The following SLC61A1 variants were observed in gnomAD, a reference collection of about 807,000 sequenced individuals.
The protein encoded by SLC61A1 is solute carrier family 61 member 1, also known as major facilitator superfamily domain containing 5.
the SLC61A1 span, chr12:53,252,131 GCCCGGCT>G: frequency 4.2e-6 from 6 of 1,441,074 alleles, no homozygotes; most frequent in Non-Finnish European, 5.4e-6. Flanking sequence ...CCAGAGGCCT[GCCCGGCT>G]CCCGGAAGCA....
chr12:53,253,415 A>C, the SLC61A1 span: 1 of 1,614,096 alleles, frequency 6.2e-7, no homozygotes, highest in South Asian at 1.1e-5. Context: ...GGCTGTAGCC[A>C]GCTGGATAGG....
the SLC61A1 span, chr12:53,252,494 G>C: frequency 7.5e-7 from 1 of 1,326,182 alleles, no homozygotes; most frequent in African/African-American, 1.5e-5. Context: ...GTAATAGAAG[G>C]AAGTGTACGG....
the SLC61A1 span, chr12:53,252,131 G>A: frequency 1.4e-6 from 2 of 1,441,074 alleles, no homozygotes; most frequent in Non-Finnish European, 1.8e-6. Context: ...CCAGAGGCCT[G>A]CCCGGCTCCC....
At chr12:53,251,863 CG>C in the SLC61A1 span, 1 of 1,537,268 alleles carries the variant, frequency 6.5e-7, no homozygotes, top group East Asian at 2.4e-5. Context: ...GAGCACTGCA[CG>C]GAAGAAAAGA....
the SLC61A1 span, chr12:53,252,209 G>A: frequency 2.3e-5 from 33 of 1,415,696 alleles, no homozygotes; most frequent in Non-Finnish European, 2.6e-5. Flanking sequence ...CAGCGGGGAG[G>A]GTGGCCTGGC....
the SLC61A1 span, chr12:53,252,059 C>A: frequency 1.7e-5 from 3 of 177,884 alleles, no homozygotes; most frequent in African/African-American, 1.1e-4. Context: ...GGCGGGCGGG[C>A]GGGGCGGGGC....
At chr12:53,252,309 G>T in the SLC61A1 span, 1 of 1,384,330 alleles carries the variant, frequency 7.2e-7, no homozygotes, top group Non-Finnish European at 9.3e-7. Flanking sequence ...GATGTGGCAG[G>T]GCTGGGCAGG....
At chr12:53,253,185 T>A in the SLC61A1 span, 1 of 1,614,268 alleles carries the variant, frequency 6.2e-7, no homozygotes, top group Admixed American at 1.7e-5. Context: ...ACTTACTCAC[T>A]ATGCTGCTTA....
the SLC61A1 span, chr12:53,253,494 G>T: frequency 1.2e-6 from 2 of 1,614,130 alleles, no homozygotes; most frequent in Non-Finnish European, 1.7e-6. Flanking sequence ...TTGGCCCTTC[G>T]AAACTGGGGG....
the SLC61A1 span, chr12:53,253,040 C>T: frequency 5.0e-6 from 8 of 1,614,140 alleles, 1 homozygote; most frequent in South Asian, 7.7e-5. Flanking sequence ...ACTCTACCAG[C>T]ATTACTACTT....
chr12:53,253,681 C>T, the SLC61A1 span: 1 of 1,614,032 alleles, frequency 6.2e-7, no homozygotes, highest in Admixed American at 1.7e-5. Flanking sequence ...CCCCTCTGGG[C>T]ATTATCTTCT....
At chr12:53,251,747 A>G in the SLC61A1 span, 2 of 1,536,598 alleles carry the variant, frequency 1.3e-6, no homozygotes, top group African/African-American at 1.4e-5. Context: ...AGGTCACTGC[A>G]GTGGGAGAGG....
the SLC61A1 span, chr12:53,252,237 G>A: frequency 7.1e-7 from 1 of 1,409,520 alleles, no homozygotes; most frequent in Non-Finnish European, 9.2e-7. Flanking sequence ...AGCCGGACGT[G>A]TCCGGGGCGT....
At chr12:53,252,606 C>T in the SLC61A1 span, 12 of 1,259,726 alleles carry the variant, frequency 9.5e-6, no homozygotes, top group Non-Finnish European at 1.3e-5. Flanking sequence ...GTCCTCTCCC[C>T]TGTCTTCTTA....
the SLC61A1 span, chr12:53,251,615 C>T: frequency 9.0e-7 from 1 of 1,107,070 alleles, no homozygotes; most frequent in Non-Finnish European, 1.3e-6. Context: ...TGCCCAAGGC[C>T]ACACAGCTGG....
chr12:53,253,824 C>G, the SLC61A1 span: 1 of 1,614,240 alleles, frequency 6.2e-7, no homozygotes, highest in South Asian at 1.1e-5. Flanking sequence ...TTCATGTTGA[C>G]TTTCTCTACC....
At chr12:53,253,767 C>A in the SLC61A1 span, 1 of 1,614,180 alleles carries the variant, frequency 6.2e-7, no homozygotes, top group Non-Finnish European at 8.5e-7. Flanking sequence ...CACCTTCAGC[C>A]CATGCACCTG....
the SLC61A1 span, chr12:53,252,084 G>T: frequency 6.8e-7 from 1 of 1,461,634 alleles, no homozygotes; most frequent in South Asian, 1.4e-5. Context: ...TTTTGGCGCC[G>T]CGCCCCCGTC....
At chr12:53,251,255 G>A in the SLC61A1 span, 1 of 164,324 alleles carries the variant, frequency 6.1e-6, no homozygotes, top group Non-Finnish European at 1.3e-5. Flanking sequence ...GTGTGCAAAA[G>A]CCCTGGTGGT....
Sources: allele counts gnomAD v4.1 joint callset, GRCh38; gene constraint gnomAD v4.1.1; transcripts MANE v1.5; gene names NCBI Gene and HGNC (gene_info 2026-07-23, HGNC 2026-07-21).